RANBP17: variants seen among roughly 807,000 people sequenced by gnomAD.
The protein encoded by RANBP17 is ran-binding protein 17.
Under a neutral mutation model 141.2 loss-of-function variants are expected in RANBP17, and 158 were observed. That is an observed-to-expected ratio of 1.12 (90% confidence interval 0.98 to 1.28). RANBP17 has a LOEUF of 1.28. Among genes scored for constraint, RANBP17 ranks in the 50% most tolerant of loss-of-function variants. The pLI is 0.00. For missense variants in RANBP17, 1,438 were observed against 1,290.7 expected, an observed-to-expected ratio of 1.11 and a Z score of -1.75; for synonymous variants, 430 against 450.0, an observed-to-expected ratio of 0.96 and a Z score of 0.56.
At chr5:171,163,099 C>A (rs1759460732) in intron 14 of RANBP17, among the ~76,000 whole-genome samples, 1 of 152,154 alleles carries the variant, frequency 6.6e-6, no homozygotes, top group South Asian at 2.1e-4. Context: ...ATGAGGCAAG[C>A]AGGATTATTC....
intron 14 of RANBP17, among the ~76,000 whole-genome samples, chr5:170,995,592 G>A (rs1391499469): frequency 1.3e-5 from 2 of 152,066 alleles, no homozygotes; most frequent in East Asian, 3.9e-4. Context: ...TGATAGAGTC[G>A]ATGGTTGATT....
chr5:171,283,555 G>T (rs1767977831), intron 25 of RANBP17, among the ~76,000 whole-genome samples: 1 of 152,166 alleles, frequency 6.6e-6, no homozygotes, highest in African/African-American at 2.4e-5. Context: ...ATTCTGCATG[G>T]TTTAAATATA....
chr5:171,217,460 G>A (rs1229197199), intron 21 of RANBP17, among the ~76,000 whole-genome samples: 1 of 152,080 alleles, frequency 6.6e-6, no homozygotes, highest in East Asian at 1.9e-4. Context: ...TTTTTCTATT[G>A]TTTGGAATAG....
At chr5:171,107,477 T>C (rs1386098949) in intron 14 of RANBP17, among the ~76,000 whole-genome samples, 2 of 150,198 alleles carry the variant, frequency 1.3e-5, no homozygotes, top group Non-Finnish European at 3.0e-5. Flanking sequence ...CAGCCTGCCA[T>C]TTTTTTTTTC....
At chr5:170,892,004 AC>A (rs1284533102) in intron 3 of RANBP17, among the ~76,000 whole-genome samples, 1 of 152,162 alleles carries the variant, frequency 6.6e-6, no homozygotes, top group Non-Finnish European at 1.5e-5. Context: ...TAATAAAAGA[AC>A]TGTATAAATA....
intron 14 of RANBP17, among the ~76,000 whole-genome samples, chr5:171,099,338 T>C (rs1412076227): frequency 6.6e-6 from 1 of 152,200 alleles, no homozygotes; most frequent in Non-Finnish European, 1.5e-5. Flanking sequence ...ACATCCCTTG[T>C]AAGTTGTATT....
chr5:171,284,191 A>G (rs1363789499), intron 25 of RANBP17, among the ~76,000 whole-genome samples: 3 of 152,194 alleles, frequency 2.0e-5, no homozygotes, highest in South Asian at 2.1e-4. Flanking sequence ...GGTTCCATTC[A>G]TTGCCATAGC....
rs1379654082 is a variant in RANBP17, at chr5:171,189,944, TA to T, written c.2038+6519del. 2.7e-5 allele frequency among the ~76,000 whole-genome samples: 4 copies of T among 150,562 alleles called. No homozygotes were observed. The East Asian group carries it at 7.8e-4, about 29-fold the overall frequency. On this transcript the variant is annotated intron_variant, in intron 18 of 27. Transcript: ENST00000523189. ...AGATTCATATATTAAATGAAAAAAA[TA>T]AAAACATTAGATAATGAGGATCCTC...
Position 170,896,110 on chromosome 5 carries a change from A to C in RANBP17, c.484A>C (p.Asn162His). 3.1e-6 allele frequency: 5 copies of C among 1,605,080 alleles called. No homozygotes were observed. Among genetic ancestry groups the C allele is most frequent in the Non-Finnish European group, 4.3e-6 (5 of 1,174,234 alleles). ...IILSELTQEM[N>H]LVDYSRPSAK... Reference sequence around the variant, plus strand: ...CCTTTCTGAATTGACTCAGGAAATGAACCTGGTAAGCGAGCCTTTCCATCT... The same window carrying C: ...CCTTTCTGAATTGACTCAGGAAATGCACCTGGTAAGCGAGCCTTTCCATCT... Residue 162 changes from asparagine to histidine, a missense_variant, in exon 5 of 28, where the codon AAC becomes CAC. Transcript: ENST00000523189.
At chr5:171,074,735 A>G (rs1784817546) in intron 14 of RANBP17, among the ~76,000 whole-genome samples, 1 of 152,124 alleles carries the variant, frequency 6.6e-6, no homozygotes, top group African/African-American at 2.4e-5. Flanking sequence ...ATCTTTGTCC[A>G]TTTTTTAGGT....
intron 14 of RANBP17, among the ~76,000 whole-genome samples, chr5:171,023,143 C>T (rs1220444038): frequency 6.6e-6 from 1 of 152,202 alleles, no homozygotes; most frequent in Non-Finnish European, 1.5e-5. Context: ...CCTTGGTTGC[C>T]AGTGAAGGAT....
At chr5:170,883,304 G>A (rs896863109) in intron 3 of RANBP17, among the ~76,000 whole-genome samples, 1 of 152,010 alleles carries the variant, frequency 6.6e-6, no homozygotes, top group Non-Finnish European at 1.5e-5. Context: ...AGCAGTTTTG[G>A]GTTCACAGCA....
intron 12 of RANBP17, among the ~76,000 whole-genome samples, chr5:170,937,457 C>T (rs1773974927): frequency 6.6e-6 from 1 of 152,192 alleles, no homozygotes; most frequent in African/African-American, 2.4e-5. Context: ...CTAGTTGTTT[C>T]TGTGCCTGTA....
At chr5:170,936,620 A>G (rs912096248) in intron 12 of RANBP17, among the ~76,000 whole-genome samples, 9 of 152,166 alleles carry the variant, frequency 5.9e-5, no homozygotes, top group Non-Finnish European at 4.4e-5. Context: ...TTCTAAATTT[A>G]TTAAGACTTG....
At chr5:170,895,873 C>A (rs1474980577) in intron 4 of RANBP17, among the ~76,000 whole-genome samples, 177 bp from the exon 5 acceptor site, 1 of 152,034 alleles carries the variant, frequency 6.6e-6, no homozygotes, top group Non-Finnish European at 1.5e-5. Context: ...GTTTGAAATT[C>A]TTTTGTTTAT....
At chr5:171,126,767 A>G (rs1401102740) in intron 14 of RANBP17, among the ~76,000 whole-genome samples, 1 of 152,182 alleles carries the variant, frequency 6.6e-6, no homozygotes, top group Admixed American at 6.5e-5. Context: ...ACCAAAATTG[A>G]CCCAAGAAAA....
intron 12 of RANBP17, among the ~76,000 whole-genome samples, chr5:170,947,905 G>A (rs1297089551): frequency 6.6e-6 from 1 of 152,126 alleles, no homozygotes; most frequent in African/African-American, 2.4e-5. Flanking sequence ...GTACTAGGAT[G>A]GCGTCACTTT....
chr5:170,917,792 A>G (rs528081089), intron 9 of RANBP17, among the ~76,000 whole-genome samples: 1 of 152,236 alleles, frequency 6.6e-6, no homozygotes, highest in African/African-American at 2.4e-5. Context: ...CTCTTAAATG[A>G]TTTTCCAACA....
chr5:170,956,842 T>C (rs1416228581), intron 13 of RANBP17, among the ~76,000 whole-genome samples: 2 of 151,190 alleles, frequency 1.3e-5, no homozygotes, highest in Admixed American at 6.6e-5. Context: ...GAGGCCAAGG[T>C]GGGCGGATCA....
Sources: allele counts gnomAD v4.1 joint callset (sites outside exome capture counted in the v4.1 genomes callset), GRCh38; gene constraint gnomAD v4.1.1; transcripts MANE v1.5; gene names NCBI Gene and HGNC (gene_info 2026-07-23, HGNC 2026-07-21).